LRCH3: variants seen among roughly 807,000 people sequenced by gnomAD.
The protein encoded by LRCH3 is leucine rich repeats and calponin homology domain containing 3, also known as DISP complex protein LRCH3.
In LRCH3, 68 loss-of-function variants were observed where a neutral mutation model predicts 104.5. The observed-to-expected ratio is 0.65, with a 90% CI of 0.54 to 0.80. LRCH3 has a LOEUF of 0.80. LRCH3 is among the 30% of genes least tolerant of loss of function. The pLI is 0.00. For synonymous variants in LRCH3, 344 were observed against 361.3 expected, an observed-to-expected ratio of 0.95 and a Z score of 0.54; for missense variants, 951 against 953.9, an observed-to-expected ratio of 1.00 and a Z score of 0.04.
intron 8 of LRCH3, 98 bp from the exon 9 acceptor site, chr3:197,835,576 G>A: frequency 7.5e-7 from 1 of 1,326,608 alleles, no homozygotes; most frequent in Non-Finnish European, 9.7e-7. Context: ...GAAAATCATG[G>A]GGAAAAGGAA....
intron 7 of LRCH3, among the ~76,000 whole-genome samples, chr3:197,831,945 C>T (rs558320426): frequency 2.7e-5 from 4 of 150,818 alleles, no homozygotes; most frequent in South Asian, 2.1e-4. Context: ...AATAGGATCT[C>T]GCTTTGTCGC....
intron 8 of LRCH3, among the ~76,000 whole-genome samples, chr3:197,833,936 G>A (rs915979437): frequency 6.6e-6 from 1 of 152,212 alleles, no homozygotes; most frequent in Non-Finnish European, 1.5e-5. Flanking sequence ...GGTTTCTAAT[G>A]TGGATGTAAA....
chr3:197,835,650 T>TGG (rs774184086), intron 8 of LRCH3, 24 bp from the exon 9 acceptor site: 1 of 1,589,572 alleles, frequency 6.3e-7, no homozygotes, highest in African/African-American at 1.3e-5. Context: ...TGTGTGTGTG[T>TGG]GGGTGTGTGT....
intron 10 of LRCH3, among the ~76,000 whole-genome samples, chr3:197,841,937 A>G (rs113971284): frequency 0.02 from 2,974 of 151,988 alleles, 123 homozygotes; most frequent in African/African-American, 0.068. Context: ...GGCTCAAGCA[A>G]TCCTCCCACC....
intron 1 of LRCH3, among the ~76,000 whole-genome samples, chr3:197,793,069 G>A (rs1226439923): frequency 6.6e-6 from 1 of 152,184 alleles, no homozygotes; most frequent in Non-Finnish European, 1.5e-5. Flanking sequence ...GATTACAGGC[G>A]TGAGCCACTG....
At chr3:197,870,112 C>G (rs752273664) in intron 17 of LRCH3, 48 bp from the exon 18 acceptor site, 2 of 1,596,442 alleles carry the variant, frequency 1.3e-6, no homozygotes, top group South Asian at 2.2e-5. Context: ...GGATGTTCTC[C>G]TAGCACTGCC....
chr3:197,835,448 A>G (rs1275619092), intron 8 of LRCH3, among the ~76,000 whole-genome samples: 1 of 151,298 alleles, frequency 6.6e-6, no homozygotes, highest in Non-Finnish European at 1.5e-5. Flanking sequence ...CCACCTCCCA[A>G]AGTGCTGGGA....
rs1714234101 is a variant in LRCH3 at position 197,886,819 on chromosome 3, A to AAC, written c.*3154_*3155insCA. The AAC allele has an allele frequency of 6.6e-6, 1 of 151,970 alleles. No homozygotes were observed. Among genetic ancestry groups the AAC allele is most frequent in the Admixed American group, 6.6e-5 (1 of 15,232 alleles). 9.4% of individuals were successfully genotyped at this position (151,970 alleles called of 1,614,324 possible). A position where few individuals can be genotyped will look rare whatever the true frequency, so the allele number is the denominator to read the frequency against. On this transcript the variant is annotated 3_prime_UTR_variant, in exon 21 of 21. Transcript: ENST00000425562. ...GACTCTGTCTCAAAAAAAAAAAAAA[A>AAC]AAAAAACCCACCAAACCAAAAATAT... is the stretch of plus-strand genomic sequence containing the variant.
intron 15 of LRCH3, 195 bp downstream of exon 15, chr3:197,859,100 G>A: frequency 3.5e-6 from 2 of 572,790 alleles, no homozygotes; most frequent in Non-Finnish European, 6.2e-6. Flanking sequence ...TAGTCATAGA[G>A]CTCACATTAA....
intron 18 of LRCH3, among the ~76,000 whole-genome samples, chr3:197,870,626 A>G (rs1712052990): frequency 6.6e-6 from 1 of 152,012 alleles, no homozygotes; most frequent in Non-Finnish European, 1.5e-5. Flanking sequence ...TCGACCTCCC[A>G]CAGTGCTGGG....
At chr3:197,818,754 A>G (rs561758862) in intron 3 of LRCH3, among the ~76,000 whole-genome samples, 14 of 152,240 alleles carry the variant, frequency 9.2e-5, no homozygotes, top group African/African-American at 3.4e-4. Flanking sequence ...GAGATGTGTT[A>G]TAGAAGCTGC....
intron 15 of LRCH3, among the ~76,000 whole-genome samples, chr3:197,861,226 A>G (rs895333288): frequency 2.0e-5 from 3 of 152,174 alleles, no homozygotes; most frequent in African/African-American, 4.8e-5. Flanking sequence ...TGCCTCCTGA[A>G]AAAACTTCAT....
chr3:197,801,669 C>T lies in LRCH3; in HGVS notation c.262+10129C>T, dbSNP rs111391002. On this transcript the variant is annotated intron_variant, in intron 1 of 20. Transcript: ENST00000425562. ...TTTTTATTGTCACAGTAAACAATAT[C>T]ATCTTTTCTTCTACTAGATTGGCAG... Among the ~76,000 whole-genome samples the T allele has an allele frequency of 2.0e-4, 30 of 152,176 alleles. 1 individual carries two copies. The highest frequency in any genetic ancestry group is 7.0e-4 in the African/African-American group (29 of 41,530).
intron 8 of LRCH3, 81 bp downstream of exon 8, chr3:197,832,398 TG>T: frequency 6.9e-7 from 1 of 1,456,392 alleles, no homozygotes; most frequent in Non-Finnish European, 9.4e-7. Flanking sequence ...CCACTCCTTT[TG>T]TTGGTGTATC....
intron 1 of LRCH3, among the ~76,000 whole-genome samples, chr3:197,801,785 C>G (rs1167342798): frequency 6.6e-6 from 1 of 152,080 alleles, no homozygotes; most frequent in Non-Finnish European, 1.5e-5. Flanking sequence ...TACTATAGTT[C>G]TATAGGTTAG....
At chr3:197,808,096 TG>T (rs1315620683) in intron 1 of LRCH3, among the ~76,000 whole-genome samples, 1 of 152,230 alleles carries the variant, frequency 6.6e-6, no homozygotes, top group African/African-American at 2.4e-5. Flanking sequence ...TATCTGCGAT[TG>T]TGTTTGGAGG....
chr3:197,884,741 G>A lies in LRCH3; in HGVS notation c.*1075G>A, dbSNP rs1184740100. On this transcript the variant is annotated 3_prime_UTR_variant, in exon 21 of 21. Transcript: ENST00000425562. ...TGAGGAGTTGGACTGTTCTGTCAAA[G>A]GCAAAACAAAAATAATATAGAAGGC... is the stretch of plus-strand genomic sequence containing the variant. 1 of 152,190 alleles carries A rather than the reference G, an allele frequency of 6.6e-6. No homozygotes were observed. The highest frequency in any genetic ancestry group is 1.5e-5 in the Non-Finnish European group (1 of 68,040). 9.4% of individuals were successfully genotyped at this position (152,190 alleles called of 1,614,324 possible). A position where few individuals can be genotyped will look rare whatever the true frequency, so the allele number is the denominator to read the frequency against.
chr3:197,850,552 G>C, intron 12 of LRCH3: 4 of 1,587,602 alleles, frequency 2.5e-6, no homozygotes, highest in South Asian at 1.1e-5. Context: ...GGGTTAATCC[G>C]ACCATGAGCT....
In LRCH3 at chr3:197,817,757, A is replaced by G. The variant is rs545313609; in HGVS notation, c.534+455A>G. Among the ~76,000 whole-genome samples the G allele has an allele frequency of 3.9e-5, 6 of 152,224 alleles. No individual in the cohort carries two copies. The East Asian group carries it at 1.2e-3, about 29-fold the overall frequency. On this transcript the variant is annotated intron_variant, in intron 3 of 20. Transcript: ENST00000425562. Reference sequence around the variant, plus strand: ...AGGTCAGGTTTATTTTTTGCCTTACATTATATCTTTAGACGCTATCTCCCA... The same window carrying G: ...AGGTCAGGTTTATTTTTTGCCTTACGTTATATCTTTAGACGCTATCTCCCA...
Sources: gnomAD v4.1 joint callset for allele counts (sites outside exome capture counted in the v4.1 genomes callset) on GRCh38, gnomAD v4.1.1 for gene constraint, MANE v1.5 for transcripts, NCBI Gene and HGNC (gene_info 2026-07-23, HGNC 2026-07-21) for gene names.